PRKG1: variants seen among roughly 807,000 people sequenced by gnomAD.
PRKG1 encodes the protein protein kinase cGMP-dependent 1, also known as cGMP-dependent protein kinase 1.
A neutral mutation model predicts 88.1 loss-of-function variants in PRKG1; 35 were observed. The ratio of observed to expected loss-of-function variants is 0.40; its 90% confidence interval spans 0.30 to 0.53. The LOEUF is 0.53. PRKG1 is among the 20% of genes least tolerant of loss of function. The probability of loss-of-function intolerance (pLI) is 0.59; values close to 1 mark genes in which losing one functional copy is unlikely to be tolerated. For synonymous variants in PRKG1, 303 were observed against 292.5 expected (o/e 1.04, Z -0.37); for missense variants, 540 against 839.8 (o/e 0.64, Z 4.41).
chr10:51,629,751 A>G (rs1564580967), intron 3 of PRKG1, among the ~76,000 whole-genome samples: 2 of 152,218 alleles, frequency 1.3e-5, no homozygotes, highest in Admixed American at 1.3e-4. Context: ...CACCTGGCTT[A>G]TTAACAAGTG....
chr10:51,874,426 C>T (rs1257228429), intron 4 of PRKG1, among the ~76,000 whole-genome samples: 1 of 152,200 alleles, frequency 6.6e-6, no homozygotes, highest in Non-Finnish European at 1.5e-5. Context: ...ATCAAAATAT[C>T]ATGCAACTGT....
At chr10:52,122,847 T>G (rs1343152820) in intron 7 of PRKG1, among the ~76,000 whole-genome samples, 1 of 152,174 alleles carries the variant, frequency 6.6e-6, no homozygotes, top group Non-Finnish European at 1.5e-5. Context: ...GTTTTAACAT[T>G]TAGGGGAATG....
At chr10:51,074,297 C>T (rs1017024145), upstream of PRKG1, 1 of 408,670 alleles carries the variant, frequency 2.4e-6, no homozygotes, top group Non-Finnish European at 4.0e-6. Context: ...TCTTCTCCCC[C>T]GCGCCGCGGC....
Position 51,238,742 on chromosome 10 carries a change from C to T in PRKG1, c.478+85412C>T, listed in dbSNP as rs111564103. Among the ~76,000 whole-genome samples, 1,118 of 145,374 alleles carry T rather than the reference C, an allele frequency of 7.7e-3. 13 individuals carry two copies. Among genetic ancestry groups the T allele is most frequent in the African/African-American group, 0.027 (1,057 of 39,244 alleles). ...TTCCACTGCACTCCAGCCTGGGAGA[C>T]AGAGGGAGACTCTATCTCAAAAAAA... On this transcript the variant is annotated intron_variant, in intron 2 of 17. Transcript: ENST00000373980.
intron 7 of PRKG1, among the ~76,000 whole-genome samples, chr10:52,119,200 C>T (rs920504653): frequency 6.6e-6 from 1 of 152,086 alleles, no homozygotes; most frequent in Admixed American, 6.6e-5. Context: ...CAAGATGAAT[C>T]ATCTCAAGAG....
intron 9 of PRKG1, among the ~76,000 whole-genome samples, chr10:52,205,119 C>G (rs1000895157): frequency 6.6e-6 from 1 of 152,084 alleles, no homozygotes; most frequent in Admixed American, 6.6e-5. Context: ...GAAATTCCAG[C>G]CTGGTGAATT....
At chr10:51,923,429 T>G (rs1287156636) in intron 5 of PRKG1, among the ~76,000 whole-genome samples, 1 of 151,220 alleles carries the variant, frequency 6.6e-6, no homozygotes, top group Non-Finnish European at 1.5e-5. Flanking sequence ...CATATTAATA[T>G]TAGCATATTA....
At chr10:52,058,749 A>C (rs1242891306) in intron 6 of PRKG1, among the ~76,000 whole-genome samples, 3 of 152,000 alleles carry the variant, frequency 2.0e-5, no homozygotes. Flanking sequence ...TTAGATAGGA[A>C]GAGTTCCTAG....
At position 52,009,619 on chromosome 10, in the gene PRKG1, A is replaced by G. The variant is rs186596009; in HGVS notation, c.763-44865A>G. 1.6e-4 allele frequency among the ~76,000 whole-genome samples: 24 copies of G among 152,296 alleles called. No homozygotes were observed. The East Asian group carries it at 4.6e-3, about 29-fold the overall frequency. ...TGCCCAAAGGAAGTGTACAGATTCA[A>G]TGCTATTTCTATCAAACTACCAATG... is the stretch of plus-strand genomic sequence containing the variant. On this transcript the variant is annotated intron_variant, in intron 5 of 17. Transcript: ENST00000373980.
At chr10:51,426,189 G>A (rs1425260778) in intron 2 of PRKG1, among the ~76,000 whole-genome samples, 1 of 152,162 alleles carries the variant, frequency 6.6e-6, no homozygotes, top group African/African-American at 2.4e-5. Context: ...CCTGAGGCAG[G>A]AGAGTCGCTT....
At chr10:51,492,715 C>T (rs750091876) in intron 3 of PRKG1, among the ~76,000 whole-genome samples, 4 of 151,986 alleles carry the variant, frequency 2.6e-5, no homozygotes, top group Admixed American at 6.6e-5. Context: ...TATCCTTAAA[C>T]GGTTAGCATA....
intron 2 of PRKG1, among the ~76,000 whole-genome samples, chr10:51,406,772 G>A (rs1837931550): frequency 1.3e-5 from 2 of 152,048 alleles, no homozygotes; most frequent in African/African-American, 4.8e-5. Context: ...TGTTCAGATG[G>A]GTTATTTCAT....
At chr10:51,101,132 C>T (rs1278693436) in intron 1 of PRKG1, among the ~76,000 whole-genome samples, 1 of 152,084 alleles carries the variant, frequency 6.6e-6, no homozygotes, top group Non-Finnish European at 1.5e-5. Context: ...CCTTAATCCT[C>T]GAACCTCTCC....
Position 51,365,208 on chromosome 10 carries a change from C to T in PRKG1, c.479-102515C>T, listed in dbSNP as rs73330477. 9.5e-3 allele frequency among the ~76,000 whole-genome samples: 1,445 copies of T among 151,954 alleles called. 18 individuals carry two copies. Among genetic ancestry groups the T allele is most frequent in the African/African-American group, 0.031 (1,305 of 41,502 alleles). ...AGGCACACAGTAAAATGCCTGTTGT[C>T]ACTATCATCATCATCTTCTTCGTCT... is the stretch of plus-strand genomic sequence containing the variant. On this transcript the variant is annotated intron_variant, in intron 2 of 17. Transcript: ENST00000373980.
At chr10:51,424,904 A>G (rs1336034785) in intron 2 of PRKG1, among the ~76,000 whole-genome samples, 8 of 152,152 alleles carry the variant, frequency 5.3e-5, no homozygotes, top group African/African-American at 1.4e-4. Context: ...CTGTATTACC[A>G]TAAGGAATGC....
chr10:52,260,328 G>A (rs1015968808), intron 10 of PRKG1, among the ~76,000 whole-genome samples: 3 of 152,034 alleles, frequency 2.0e-5, no homozygotes, highest in Non-Finnish European at 2.9e-5. Flanking sequence ...TTTCCAGTAT[G>A]TAACAGTTTA....
chr10:51,890,648 G>C (rs1219775253), intron 4 of PRKG1, among the ~76,000 whole-genome samples: 1 of 152,140 alleles, frequency 6.6e-6, no homozygotes, highest in African/African-American at 2.4e-5. Context: ...TGATATTAGA[G>C]AAGAAATATT....
intron 2 of PRKG1, among the ~76,000 whole-genome samples, chr10:51,427,198 A>G (rs1838613660): frequency 1.3e-5 from 2 of 152,178 alleles, no homozygotes; most frequent in Admixed American, 1.3e-4. Context: ...AGGGAGAGAG[A>G]TACAAAAAGA....
chr10:51,570,345 T>C (rs1837720400), intron 3 of PRKG1, among the ~76,000 whole-genome samples: 1 of 151,894 alleles, frequency 6.6e-6, no homozygotes, highest in Admixed American at 6.6e-5. Flanking sequence ...TATACTGTAT[T>C]CTTACAATAA....
Sources: gnomAD v4.1 joint callset for allele counts (sites outside exome capture counted in the v4.1 genomes callset) on GRCh38, gnomAD v4.1.1 for gene constraint, MANE v1.5 for transcripts, NCBI Gene and HGNC (gene_info 2026-07-23, HGNC 2026-07-21) for gene names.